The following NKAIN3 variants were observed in gnomAD, a reference collection of about 807,000 sequenced individuals.
The protein encoded by NKAIN3 is sodium/potassium transporting ATPase interacting 3.
In NKAIN3, 25 loss-of-function variants were observed where a neutral mutation model predicts 30.2. The observed-to-expected ratio is 0.83, with a 90% confidence interval of 0.60 to 1.16. The LOEUF is 1.16. Among genes scored for constraint, NKAIN3 ranks in the 50% most tolerant of loss-of-function variants. NKAIN3 has a pLI of 0.00. For synonymous variants in NKAIN3, 91 were observed against 89.6 expected (o/e 1.02, Z -0.09); for missense variants, 225 against 254.1 (o/e 0.89, Z 0.78).
chr8:62,946,214 G>T (rs2130888824), intron 5 of NKAIN3, among the ~76,000 whole-genome samples: 1 of 152,266 alleles, frequency 6.6e-6, no homozygotes, highest in African/African-American at 2.4e-5. Flanking sequence ...GGATCACAAA[G>T]TTATTTCAGG....
chr8:62,398,250 G>T (rs2129595062), intron 1 of NKAIN3, among the ~76,000 whole-genome samples: 1 of 152,348 alleles, frequency 6.6e-6, no homozygotes, highest in African/African-American at 2.4e-5. Context: ...GCTGTTTCTT[G>T]TGCCGGAGGC....
At chr8:62,572,608 T>G (rs1809979135) in intron 1 of NKAIN3, among the ~76,000 whole-genome samples, 1 of 152,208 alleles carries the variant, frequency 6.6e-6, no homozygotes, top group Admixed American at 6.5e-5. Context: ...AGAGGTTTAT[T>G]GGATTTATAG....
At chr8:62,769,639 C>T (rs961038239) in intron 4 of NKAIN3, among the ~76,000 whole-genome samples, 22 of 152,218 alleles carry the variant, frequency 1.4e-4, no homozygotes, top group African/African-American at 5.3e-4. Context: ...ACTATTCCTT[C>T]AACAACTCAT....
chr8:62,635,994 G>A (rs1019084746), intron 3 of NKAIN3, among the ~76,000 whole-genome samples: 6 of 152,128 alleles, frequency 3.9e-5, no homozygotes, highest in Admixed American at 2.6e-4. Flanking sequence ...CACTGCCCAA[G>A]CAGTCTGCAT....
chr8:62,369,304 T>A (rs139486117), intron 1 of NKAIN3, among the ~76,000 whole-genome samples: 2 of 152,254 alleles, frequency 1.3e-5, no homozygotes, highest in African/African-American at 4.8e-5. Context: ...TTACATTGTG[T>A]CTATGAGGGT....
chr8:62,894,775 A>G (rs1821384918), intron 4 of NKAIN3, among the ~76,000 whole-genome samples: 1 of 152,206 alleles, frequency 6.6e-6, no homozygotes, highest in Admixed American at 6.5e-5. Flanking sequence ...ACACCAAGCT[A>G]GTAAATATCA....
chr8:62,865,603 G>A (rs1820392014), intron 4 of NKAIN3, among the ~76,000 whole-genome samples: 1 of 152,146 alleles, frequency 6.6e-6, no homozygotes, highest in South Asian at 2.1e-4. Context: ...TTTTTTTAAT[G>A]AGAAATACTT....
chr8:62,858,840 G>A (rs1013075912), intron 4 of NKAIN3, among the ~76,000 whole-genome samples: 1 of 152,216 alleles, frequency 6.6e-6, no homozygotes. Context: ...GTCTTGTCTT[G>A]TGAGGTGCCA....
At position 62,570,000 on chromosome 8, in the gene NKAIN3, C is replaced by T. The variant is rs149144139; in HGVS notation, c.55-9539C>T. Among the ~76,000 whole-genome samples, 42 of 152,272 alleles carry T rather than the reference C, an allele frequency of 2.8e-4. No homozygotes were observed. In the East Asian group the frequency reaches 7.0e-3, roughly 25 times the overall value. Reference sequence around the variant, plus strand: ...ACTTTAATTTATTTTGTGAAAGTATCGTTTGATCAAATGCTTTCTTAGGAT... The same window carrying T: ...ACTTTAATTTATTTTGTGAAAGTATTGTTTGATCAAATGCTTTCTTAGGAT... On this transcript the variant is annotated intron_variant, in intron 1 of 6. Coordinates refer to ENST00000623646, the MANE Select transcript of NKAIN3 (RefSeq NM_001304533.3).
At chr8:62,997,922 T>A (rs982056239) in intron 5 of NKAIN3, among the ~76,000 whole-genome samples, 1 of 152,138 alleles carries the variant, frequency 6.6e-6, no homozygotes, top group Admixed American at 6.5e-5. Flanking sequence ...GAGTCAGATT[T>A]ATGGGTTTTT....
intron 4 of NKAIN3, among the ~76,000 whole-genome samples, chr8:62,913,295 G>A (rs1821980121): frequency 6.6e-6 from 1 of 152,042 alleles, no homozygotes; most frequent in South Asian, 2.1e-4. Flanking sequence ...TATATGATTG[G>A]CAGCACAGTA....
intron 1 of NKAIN3, among the ~76,000 whole-genome samples, chr8:62,418,370 G>A (rs947340245): frequency 6.6e-6 from 1 of 152,090 alleles, no homozygotes; most frequent in African/African-American, 2.4e-5. Flanking sequence ...AAAAAATTGT[G>A]CTTACTTCTT....
intron 1 of NKAIN3, among the ~76,000 whole-genome samples, chr8:62,557,250 G>T (rs994354985): frequency 2.0e-5 from 3 of 151,978 alleles, no homozygotes; most frequent in African/African-American, 7.2e-5. Flanking sequence ...CATTTTTATG[G>T]CTGAGTAGTA....
chr8:62,968,469 T>A lies in NKAIN3; in HGVS notation c.*3062T>A, dbSNP rs1010119752. ...AAACCTCAGCTTCTCCATATGCAAT[T>A]GTGTGTCTGGTCAGAGTAAGGGAAA... On this transcript the variant is annotated 3_prime_UTR_variant, in exon 7 of 7. Transcript: ENST00000623646. Among the ~76,000 whole-genome samples the A allele has an allele frequency of 6.6e-6, 1 of 152,168 alleles. No individual in the cohort carries two copies. Among genetic ancestry groups the A allele is most frequent in the Non-Finnish European group, 1.5e-5 (1 of 68,034 alleles).
intron 3 of NKAIN3, among the ~76,000 whole-genome samples, chr8:62,629,759 A>G (rs1219589016): frequency 6.6e-6 from 1 of 152,182 alleles, no homozygotes; most frequent in African/African-American, 2.4e-5. Context: ...GGGGTAACAT[A>G]TGCTTTTTTA....
At chr8:62,465,979 G>A (rs528656216) in intron 1 of NKAIN3, among the ~76,000 whole-genome samples, 7 of 151,930 alleles carry the variant, frequency 4.6e-5, no homozygotes, top group Non-Finnish European at 5.9e-5. Flanking sequence ...CCAAGATCGC[G>A]CACCACTGCA....
intron 3 of NKAIN3, among the ~76,000 whole-genome samples, chr8:62,610,454 T>C (rs1811254477): frequency 6.6e-6 from 1 of 152,058 alleles, no homozygotes; most frequent in East Asian, 1.9e-4. Context: ...GAGTAGATAG[T>C]AGATAGTAGT....
At chr8:62,996,334 C>T (rs920744514) in intron 5 of NKAIN3, among the ~76,000 whole-genome samples, 1 of 150,514 alleles carries the variant, frequency 6.6e-6, no homozygotes, top group African/African-American at 2.4e-5. Flanking sequence ...CACATGAGAG[C>T]TCCCTCACTA....
At chr8:62,485,201 C>T (rs1301949756) in intron 1 of NKAIN3, among the ~76,000 whole-genome samples, 1 of 151,576 alleles carries the variant, frequency 6.6e-6, no homozygotes, top group African/African-American at 2.4e-5. Flanking sequence ...ACAATGAGGA[C>T]AAAAGCCCAA....
Sources: allele counts gnomAD v4.1 joint callset (sites outside exome capture counted in the v4.1 genomes callset), GRCh38; gene constraint gnomAD v4.1.1; transcripts MANE v1.5; gene names NCBI Gene and HGNC (gene_info 2026-07-23, HGNC 2026-07-21).